MAP3K2: variants seen among roughly 807,000 people sequenced by gnomAD.
MAP3K2 encodes the protein MAP/ERK kinase kinase 2.
Under a neutral mutation model 80.3 loss-of-function variants are expected in MAP3K2, and 24 were observed. The ratio of observed to expected loss-of-function variants is 0.30; its 90% confidence interval spans 0.22 to 0.42. The LOEUF (loss-of-function observed/expected upper bound fraction) is 0.42. MAP3K2 is among the 10% of genes least tolerant of loss of function. MAP3K2 has a pLI of 1.00. For synonymous variants in MAP3K2, 244 were observed against 253.7 expected (o/e 0.96, Z 0.36); for missense variants, 608 against 750.1 (o/e 0.81, Z 2.21).
rs1685665945 is a variant in MAP3K2, at chr2:127,304,842, C to G, written c.*2737G>C. 6.6e-6 allele frequency: 1 copy of G among 152,374 alleles called. No individual in the cohort carries two copies. 9.4% of individuals were successfully genotyped at this position (152,374 alleles called of 1,614,324 possible). On this transcript the variant is annotated 3_prime_UTR_variant, in exon 17 of 17. Coordinates refer to ENST00000682094, the MANE Select transcript of MAP3K2 (RefSeq NM_001371910.2). ...TTCTAGTAGTTTTTATATATATTAA[C>G]TTTTATTGTGGTTTTTGGTACCTTC...
At position 127,304,646 on chromosome 2, in the gene MAP3K2, C is replaced by T. The variant is rs1449622675; in HGVS notation, c.*2933G>A. The T allele has an allele frequency of 6.6e-6, 1 of 152,016 alleles. No homozygotes were observed. Among genetic ancestry groups the T allele is most frequent in the Non-Finnish European group, 1.5e-5 (1 of 67,774 alleles). 9.4% of individuals were successfully genotyped at this position (152,016 alleles called of 1,614,324 possible). A position where few individuals can be genotyped will look rare whatever the true frequency, so the allele number is the denominator to read the frequency against. On this transcript the variant is annotated 3_prime_UTR_variant, in exon 17 of 17. Coordinates refer to ENST00000682094, the MANE Select transcript of MAP3K2 (RefSeq NM_001371910.2). ...AGAAACAAAACACATTTAGAGTTAT[C>T]TTAAAAAGTTCAAATTGCATTTGTT...
rs762493145 is a variant in MAP3K2 at position 127,302,174 on chromosome 2, TAA to T, written c.*5403_*5404del. On this transcript the variant is annotated 3_prime_UTR_variant, in exon 17 of 17. Coordinates refer to ENST00000682094, the MANE Select transcript of MAP3K2 (RefSeq NM_001371910.2). ...TTACTTTCTATTTAAGAATTATATA[TAA>T]GATTATTTTACATATACACAAATTG... 8 of 152,286 alleles carry T rather than the reference TAA, an allele frequency of 5.3e-5. No homozygotes were observed. The highest frequency in any genetic ancestry group is 3.9e-4 in the East Asian group (2 of 5,192). 9.4% of individuals were successfully genotyped at this position (152,286 alleles called of 1,614,324 possible). A position where few individuals can be genotyped will look rare whatever the true frequency, so the allele number is the denominator to read the frequency against.
At chr2:127,380,896 T>C (rs1412452373) in intron 1 of MAP3K2, among the ~76,000 whole-genome samples, 3 of 152,216 alleles carry the variant, frequency 2.0e-5, no homozygotes, top group Admixed American at 6.5e-5. Context: ...TACATTTGAT[T>C]TACTTATAAC....
At chr2:127,362,204 G>T (rs984179935) in intron 1 of MAP3K2, among the ~76,000 whole-genome samples, 1 of 152,104 alleles carries the variant, frequency 6.6e-6, no homozygotes, top group Non-Finnish European at 1.5e-5. Flanking sequence ...GACTGAAATC[G>T]GCATTTGCCA....
chr2:127,319,732 G>A (rs750571071), intron 12 of MAP3K2, among the ~76,000 whole-genome samples: 14 of 150,988 alleles, frequency 9.3e-5, no homozygotes, highest in Non-Finnish European at 1.5e-4. Flanking sequence ...CCAGCTACTC[G>A]GGAGGCTGAT....
At chr2:127,383,393 G>A (rs751586090) in intron 1 of MAP3K2, among the ~76,000 whole-genome samples, 1 of 152,124 alleles carries the variant, frequency 6.6e-6, no homozygotes, top group Non-Finnish European at 1.5e-5. Flanking sequence ...TCCTTATAGA[G>A]ATCTGTTACC....
chr2:127,320,892 G>A (rs1686006788), intron 12 of MAP3K2, among the ~76,000 whole-genome samples: 1 of 152,144 alleles, frequency 6.6e-6, no homozygotes, highest in African/African-American at 2.4e-5. Context: ...GTTGAGGCAG[G>A]TGAATCAGCT....
At chr2:127,380,544 T>C (rs900730928) in intron 1 of MAP3K2, among the ~76,000 whole-genome samples, 2 of 152,084 alleles carry the variant, frequency 1.3e-5, no homozygotes, top group East Asian at 3.9e-4. Flanking sequence ...CTAGTGACAG[T>C]AGGGAATCTA....
intron 2 of MAP3K2, among the ~76,000 whole-genome samples, chr2:127,341,240 C>T (rs548763524): frequency 1.3e-5 from 2 of 151,960 alleles, no homozygotes; most frequent in East Asian, 1.9e-4. Context: ...CCGCCTGCCT[C>T]GACCTCCCAA....
At chr2:127,380,270 T>C (rs1687224112) in intron 1 of MAP3K2, among the ~76,000 whole-genome samples, 1 of 152,210 alleles carries the variant, frequency 6.6e-6, no homozygotes, top group Admixed American at 6.5e-5. Context: ...GCAAGTACAA[T>C]GGTAGAGGCA....
chr2:127,355,378 T>C (rs1028560960), intron 1 of MAP3K2, among the ~76,000 whole-genome samples: 7 of 152,080 alleles, frequency 4.6e-5, no homozygotes, highest in Admixed American at 2.6e-4. Flanking sequence ...ACCTGAGATA[T>C]TGCGGGTTCA....
chr2:127,365,910 T>C (rs1166257765), intron 1 of MAP3K2, among the ~76,000 whole-genome samples: 1 of 152,230 alleles, frequency 6.6e-6, no homozygotes, highest in Non-Finnish European at 1.5e-5. Flanking sequence ...AGCTCTGTTT[T>C]CTTGATTGAG....
At chr2:127,338,741 C>T (rs184782415) in intron 3 of MAP3K2, among the ~76,000 whole-genome samples, 191 bp downstream of exon 3, 65 of 152,296 alleles carry the variant, frequency 4.3e-4, no homozygotes, top group Non-Finnish European at 7.4e-4. Context: ...CACTGATGGA[C>T]ACTGAAGTTG....
chr2:127,380,436 A>G (rs1261238036), intron 1 of MAP3K2, among the ~76,000 whole-genome samples: 1 of 152,250 alleles, frequency 6.6e-6, no homozygotes, highest in Non-Finnish European at 1.5e-5. Flanking sequence ...CAAATGGAAA[A>G]AATTCCAAAG....
Position 127,307,355 on chromosome 2 carries a change from A to G in MAP3K2, c.*224T>C, listed in dbSNP as rs1284144236. ...CACATCAGTACATTATAAAAATTAA[A>G]AAAAAAAACTTCAAGTTCTTGTAAG... On this transcript the variant is annotated 3_prime_UTR_variant, in exon 17 of 17. Coordinates refer to ENST00000682094, the MANE Select transcript of MAP3K2 (RefSeq NM_001371910.2). This position sits in a 1 kb window ranked among gnomAD's most constrained non-coding sequence, Gnocchi z 5.4. The G allele has an allele frequency of 4.5e-5, 14 of 308,932 alleles. No individual in the cohort carries two copies. The highest frequency in any genetic ancestry group is 2.6e-4 in the South Asian group (3 of 11,730). The allele number at this position is 308,932 out of a possible 1,614,324, so 19.1% of individuals were successfully genotyped here. A position where few individuals can be genotyped will look rare whatever the true frequency, so the allele number is the denominator to read the frequency against.
intron 1 of MAP3K2, among the ~76,000 whole-genome samples, chr2:127,352,283 C>CA (rs35381932): frequency 6.6e-6 from 1 of 151,780 alleles, no homozygotes; most frequent in African/African-American, 2.4e-5. Context: ...CCCACCACTG[C>CA]AAAAAAAGAA....
chr2:127,386,664 C>A (rs1326220064), intron 1 of MAP3K2, among the ~76,000 whole-genome samples: 1 of 146,310 alleles, frequency 6.8e-6, no homozygotes, highest in Non-Finnish European at 1.5e-5. Context: ...CTGAAGCCAT[C>A]TTTTAAATTT....
intron 15 of MAP3K2, among the ~76,000 whole-genome samples, chr2:127,311,290 G>A (rs927247390): frequency 2.0e-5 from 3 of 152,066 alleles, no homozygotes; most frequent in South Asian, 2.1e-4. Flanking sequence ...AAAAGCCACC[G>A]TCTCTAGAAT....
chr2:127,330,302 A>G (rs1409532585), intron 6 of MAP3K2, 90 bp downstream of exon 6: 1 of 634,006 alleles, frequency 1.6e-6, no homozygotes. Context: ...AAATATTGCA[A>G]TGATTATAGA....
Sources: allele counts gnomAD v4.1 joint callset (sites outside exome capture counted in the v4.1 genomes callset), GRCh38; gene constraint gnomAD v4.1.1; non-coding constraint Gnocchi (gnomAD v3.1); transcripts MANE v1.5; gene names NCBI Gene and HGNC (gene_info 2026-07-23, HGNC 2026-07-21).